The following BOLL variants were observed in gnomAD, a reference collection of about 807,000 sequenced individuals.
BOLL encodes the protein protein boule-like.
BOLL carries 23 observed loss-of-function variants against 44.4 expected under a neutral mutation model. That is an observed-to-expected ratio of 0.52 (90% CI 0.37 to 0.73). The LOEUF is 0.73. Among genes scored for constraint, BOLL ranks in the 30% least tolerant of loss-of-function variants. BOLL has a pLI of 0.00. For missense variants in BOLL, 287 were observed against 338.3 expected (o/e 0.85, Z 1.19); for synonymous variants, 97 against 110.8 (o/e 0.88, Z 0.78).
intron 9 of BOLL, among the ~76,000 whole-genome samples, chr2:197,746,082 A>C (rs1428353777): frequency 6.6e-6 from 1 of 152,196 alleles, no homozygotes; most frequent in South Asian, 2.1e-4. Flanking sequence ...TGGGAAAGGA[A>C]GTAGCAATTG....
rs1027926725 is a variant in BOLL at position 197,728,067 on chromosome 2, G to C, written c.*488C>G. 1.3e-5 allele frequency: 2 copies of C among 157,524 alleles called. No individual in the cohort carries two copies. The highest frequency in any genetic ancestry group is 4.1e-4 in the South Asian group (2 of 4,842). The allele number at this position is 157,524 out of a possible 1,614,324, so 9.8% of individuals were successfully genotyped here. A position where few individuals can be genotyped will look rare whatever the true frequency, so the allele number is the denominator to read the frequency against. On this transcript the variant is annotated 3_prime_UTR_variant, in exon 11 of 11. Transcript: ENST00000392296. ...ATGACAAAACAGCAAAGCAAAAATA[G>C]AATTGTCATTAATATTAAATAGTAT...
Position 197,768,877 on chromosome 2 carries a change from T to C in BOLL, c.481-2274A>G, listed in dbSNP as rs187518041. Reference sequence around the variant, plus strand: ...TGAGAGTTTTTAGCATGAAGGGCTGTTGAATTTTGTCGAAGGCCTTTCCTG... The same window carrying C: ...TGAGAGTTTTTAGCATGAAGGGCTGCTGAATTTTGTCGAAGGCCTTTCCTG... On this transcript the variant is annotated intron_variant, in intron 6 of 10. Coordinates refer to ENST00000392296, the MANE Select transcript of BOLL (RefSeq NM_033030.6). Among the ~76,000 whole-genome samples the C allele has an allele frequency of 4.0e-3, 604 of 150,836 alleles. 5 individuals carry two copies. Among genetic ancestry groups the C allele is most frequent in the Non-Finnish European group, 6.1e-3 (410 of 67,736 alleles).
intron 5 of BOLL, among the ~76,000 whole-genome samples, chr2:197,772,985 G>C (rs1028175956): frequency 6.6e-6 from 1 of 151,792 alleles, no homozygotes; most frequent in East Asian, 1.9e-4. Flanking sequence ...AAATGACACT[G>C]TCTGCAAACC....
intron 9 of BOLL, among the ~76,000 whole-genome samples, chr2:197,743,398 C>T (rs1378998705): frequency 6.6e-6 from 1 of 152,152 alleles, no homozygotes; most frequent in African/African-American, 2.4e-5. Context: ...ATCCTATAGA[C>T]ATGTATAGGG....
chr2:197,786,124 G>T, upstream of BOLL: 5 of 1,401,038 alleles, frequency 3.6e-6, no homozygotes, highest in Non-Finnish European at 4.7e-6. The surrounding 1 kb of genome is among the most constrained non-coding windows in gnomAD (Gnocchi z 5.9). Context: ...CTGGCGGCGA[G>T]GGTGGCTGTG....
intron 10 of BOLL, among the ~76,000 whole-genome samples, chr2:197,734,479 T>C (rs1188462303): frequency 2.6e-5 from 4 of 152,138 alleles, no homozygotes; most frequent in Admixed American, 1.3e-4. Context: ...ACCCAAAGGG[T>C]TATAAATCAT....
upstream of BOLL, chr2:197,786,045 G>C: frequency 1.2e-6 from 2 of 1,604,636 alleles, no homozygotes; most frequent in Admixed American, 1.7e-5. This position sits in a 1 kb window ranked among gnomAD's most constrained non-coding sequence, Gnocchi z 5.9. Context: ...GGGAAAAGAA[G>C]CCTAAAGTTT....
intron 9 of BOLL, among the ~76,000 whole-genome samples, chr2:197,750,203 G>A (rs1051893484): frequency 2.0e-5 from 3 of 152,076 alleles, no homozygotes; most frequent in African/African-American, 7.2e-5. Flanking sequence ...ATACCAAAAT[G>A]TAAAGACCAT....
chr2:197,729,257 G>C (rs112208254), intron 10 of BOLL, among the ~76,000 whole-genome samples: 3 of 152,182 alleles, frequency 2.0e-5, no homozygotes, highest in South Asian at 2.1e-4. Context: ...CTTTTCCGAC[G>C]GGCTTAAAAA....
intron 9 of BOLL, among the ~76,000 whole-genome samples, chr2:197,749,020 C>T (rs188658977): frequency 6.6e-5 from 10 of 152,232 alleles, no homozygotes; most frequent in African/African-American, 1.2e-4. Context: ...CCCTCTGGGA[C>T]GAAGCTTCCA....
chr2:197,753,446 A>G (rs1359139558), intron 9 of BOLL, among the ~76,000 whole-genome samples: 1 of 152,220 alleles, frequency 6.6e-6, no homozygotes, highest in Non-Finnish European at 1.5e-5. Flanking sequence ...TTTACAAGAA[A>G]AAAACAATCC....
chr2:197,759,616 C>T (rs2106355114), intron 7 of BOLL, among the ~76,000 whole-genome samples: 1 of 152,272 alleles, frequency 6.6e-6, no homozygotes, highest in African/African-American at 2.4e-5. Context: ...ACCTCAGCAG[C>T]ATGGAACCTG....
chr2:197,759,336 C>T (rs1320944090), intron 7 of BOLL, among the ~76,000 whole-genome samples: 1 of 152,122 alleles, frequency 6.6e-6, no homozygotes, highest in African/African-American at 2.4e-5. Context: ...GCCTGCATTG[C>T]TACTGCAAAC....
chr2:197,739,927 A>G (rs894330022), intron 10 of BOLL, among the ~76,000 whole-genome samples: 1 of 152,166 alleles, frequency 6.6e-6, no homozygotes, highest in African/African-American at 2.4e-5. Flanking sequence ...TATCACTTAC[A>G]TAATATGGCA....
intron 10 of BOLL, among the ~76,000 whole-genome samples, chr2:197,734,622 T>C (rs1687389551): frequency 6.6e-6 from 1 of 152,146 alleles, no homozygotes; most frequent in Non-Finnish European, 1.5e-5. Flanking sequence ...TGGAATACTA[T>C]GCAGCCATAA....
intron 7 of BOLL, among the ~76,000 whole-genome samples, chr2:197,764,273 A>G (rs1217139440): frequency 6.6e-6 from 1 of 152,218 alleles, no homozygotes; most frequent in Non-Finnish European, 1.5e-5. Context: ...AATAGCCAAA[A>G]TATGAAATCA....
At chr2:197,739,504 A>T (rs919937560) in intron 10 of BOLL, among the ~76,000 whole-genome samples, 3 of 152,194 alleles carry the variant, frequency 2.0e-5, no homozygotes, top group East Asian at 1.9e-4. Context: ...GATAGTTTTT[A>T]AAATTTTTAT....
In BOLL at chr2:197,781,734, T is replaced by C; in HGVS notation, c.117A>G (p.Gly39=). ...CATAAATAGGTACCTTAAAATCAAT[T>C]CCTCCTACAAAGATGCGATTAGGGA... ...TVIPNRIFVG[G]IDFKTNESDL... is the part of the protein sequence containing the mutation. Residue 39 remains glycine, a synonymous_variant, in exon 2 of 11, where the codon GGA becomes GGG. Coordinates refer to ENST00000392296, the MANE Select transcript of BOLL (RefSeq NM_033030.6). 1 of 1,552,726 alleles carries C rather than the reference T, an allele frequency of 6.4e-7. No individual in the cohort carries two copies. The highest frequency in any genetic ancestry group is 8.8e-7 in the Non-Finnish European group (1 of 1,140,840).
intron 9 of BOLL, among the ~76,000 whole-genome samples, chr2:197,745,094 G>C (rs943129380): frequency 1.3e-5 from 2 of 152,158 alleles, no homozygotes; most frequent in Admixed American, 6.5e-5. Flanking sequence ...TTCACAAATT[G>C]GTTCTTACTC....
Sources: allele counts gnomAD v4.1 joint callset (sites outside exome capture counted in the v4.1 genomes callset), GRCh38; gene constraint gnomAD v4.1.1; non-coding constraint Gnocchi (gnomAD v3.1); transcripts MANE v1.5; gene names NCBI Gene and HGNC (gene_info 2026-07-23, HGNC 2026-07-21).